The following PKHD1 variants were observed in gnomAD, a reference collection of about 807,000 sequenced individuals.
PKHD1 encodes the protein PKHD1 ciliary IPT domain containing fibrocystin/polyductin, also known as fibrocystin.
PKHD1 carries 291 observed loss-of-function variants against 412.0 expected under a neutral mutation model. The observed-to-expected ratio is 0.71, with a 90% CI of 0.64 to 0.78. The LOEUF is 0.78. Among genes scored for constraint, PKHD1 ranks in the 30% least tolerant of loss-of-function variants. The pLI, the probability that PKHD1 is intolerant of heterozygous loss-of-function variation, is 0.00. For synonymous variants in PKHD1, 1,777 were observed against 1,821.5 expected, an observed-to-expected ratio of 0.98 and a Z score of 0.62; for missense variants, 4,825 against 4,950.7, an observed-to-expected ratio of 0.97 and a Z score of 0.76.
chr6:51,930,906 A>G (rs1786468216), intron 37 of PKHD1, among the ~76,000 whole-genome samples: 1 of 152,182 alleles, frequency 6.6e-6, no homozygotes. Flanking sequence ...GATGCCTGGG[A>G]ATGTTGTTAC....
chr6:52,005,515 A>C (rs1798935010), intron 35 of PKHD1, among the ~76,000 whole-genome samples: 1 of 152,144 alleles, frequency 6.6e-6, no homozygotes, highest in Non-Finnish European at 1.5e-5. Context: ...TTTCCTCTGC[A>C]TGCTGAATAC....
chr6:51,652,481 G>A (rs998735043), intron 61 of PKHD1, among the ~76,000 whole-genome samples: 1 of 151,938 alleles, frequency 6.6e-6, no homozygotes, highest in East Asian at 1.9e-4. Context: ...TCTTCTCAAA[G>A]CTACTAAGCC....
intron 31 of PKHD1, among the ~76,000 whole-genome samples, 178 bp downstream of exon 31, chr6:52,027,651 A>G (rs1449719850): frequency 6.6e-6 from 1 of 152,102 alleles, no homozygotes; most frequent in Non-Finnish European, 1.5e-5. Context: ...GAGCAAATGA[A>G]TCACCAAGTT....
chr6:52,083,394 C>G, intron 2 of PKHD1, 139 bp from the exon 3 acceptor site: 1 of 707,850 alleles, frequency 1.4e-6, no homozygotes, highest in South Asian at 1.5e-5. Flanking sequence ...CACCACATCC[C>G]CAGAGTTTCT....
intron 60 of PKHD1, among the ~76,000 whole-genome samples, chr6:51,703,244 T>A (rs1582172188): frequency 6.6e-6 from 1 of 152,072 alleles, no homozygotes; most frequent in East Asian, 1.9e-4. Flanking sequence ...TTGAGGATCC[T>A]TTTGTTGCTT....
intron 43 of PKHD1, among the ~76,000 whole-genome samples, chr6:51,901,785 T>C (rs1781347071): frequency 6.6e-6 from 1 of 152,084 alleles, no homozygotes; most frequent in African/African-American, 2.4e-5. Context: ...TAAAACTCCA[T>C]TCTCAAAACA....
chr6:51,840,315 G>A lies in PKHD1; in HGVS notation c.8108-3846C>T, dbSNP rs141424003. 2.5e-3 allele frequency among the ~76,000 whole-genome samples: 378 copies of A among 152,184 alleles called. 1 individual carries two copies. Among genetic ancestry groups the A allele is most frequent in the African/African-American group, 8.5e-3 (354 of 41,514 alleles). On this transcript the variant is annotated intron_variant, in intron 50 of 66. Coordinates refer to ENST00000371117, the MANE Select transcript of PKHD1 (RefSeq NM_138694.4). ...TCATAAAACATGATCCTTTAAAGGC[G>A]TTCACAGAAATAGTATATGAAAATC...
intron 43 of PKHD1, 69 bp downstream of exon 43, chr6:51,903,528 C>T (rs1353211847): frequency 4.2e-6 from 6 of 1,416,638 alleles, no homozygotes; most frequent in Non-Finnish European, 6.0e-6. Flanking sequence ...AAAGGTTGGA[C>T]ACCCCTGATT....
intron 43 of PKHD1, among the ~76,000 whole-genome samples, chr6:51,900,786 A>C (rs144929848): frequency 1.3e-5 from 2 of 151,892 alleles, no homozygotes; most frequent in South Asian, 4.2e-4. Context: ...ACAAAGGGCT[A>C]ATATCCAGAA....
intron 52 of PKHD1, among the ~76,000 whole-genome samples, chr6:51,795,791 G>C (rs1794502911): frequency 6.6e-6 from 1 of 152,106 alleles, no homozygotes; most frequent in South Asian, 2.1e-4. Flanking sequence ...TGTGGTTTTG[G>C]TCTTTAGTTC....
chr6:52,000,267 G>A (rs1798208019), intron 35 of PKHD1, among the ~76,000 whole-genome samples: 1 of 152,098 alleles, frequency 6.6e-6, no homozygotes, highest in African/African-American at 2.4e-5. Context: ...GAACACTTCT[G>A]GTTCTTCAAT....
intron 35 of PKHD1, among the ~76,000 whole-genome samples, chr6:51,976,283 A>G (rs1794430217): frequency 6.6e-6 from 1 of 152,268 alleles, no homozygotes; most frequent in Non-Finnish European, 1.5e-5. Context: ...TGTGATATAT[A>G]CATTCAATGA....
chr6:51,947,170 C>G (rs1057041497), intron 36 of PKHD1, among the ~76,000 whole-genome samples: 7 of 152,214 alleles, frequency 4.6e-5, no homozygotes, highest in African/African-American at 1.7e-4. Flanking sequence ...ATCTCAGGCT[C>G]AATGCTCAGT....
intron 60 of PKHD1, among the ~76,000 whole-genome samples, chr6:51,699,679 C>T (rs190425620): frequency 9.2e-5 from 14 of 152,224 alleles, no homozygotes; most frequent in African/African-American, 2.9e-4. Context: ...TACTTTTGCA[C>T]TCCTACCAGT....
chr6:51,950,220 A>AAAAAAATATATATATATATATATATAT, intron 36 of PKHD1, among the ~76,000 whole-genome samples: 9 of 98,286 alleles, frequency 9.2e-5, no homozygotes, highest in African/African-American at 2.6e-4. Flanking sequence ...GAAAAAAAAA[A>AAAAAAATATATATATATATATATATAT]ATATATATAT....
At chr6:51,682,334 C>T (rs1776800474) in intron 60 of PKHD1, 2 of 422,284 alleles carry the variant, frequency 4.7e-6, no homozygotes, top group African/African-American at 4.1e-5. Context: ...TTTCTAATAC[C>T]TGAGCATCAG....
chr6:51,870,735 G>T, intron 46 of PKHD1, 96 bp from the exon 47 acceptor site: 1 of 970,898 alleles, frequency 1.0e-6, no homozygotes, highest in Non-Finnish European at 1.6e-6. Flanking sequence ...AGATAAAAAA[G>T]CGAGCTATTG....
At chr6:51,737,709 A>ATTGT (rs1255338987) in intron 60 of PKHD1, among the ~76,000 whole-genome samples, 4 of 145,044 alleles carry the variant, frequency 2.8e-5, no homozygotes, top group African/African-American at 5.4e-5. Context: ...AGAATCACTT[A>ATTGT]TTGTTTGTGT....
chr6:51,688,540 C>G (rs1167325170), intron 60 of PKHD1, among the ~76,000 whole-genome samples: 1 of 151,620 alleles, frequency 6.6e-6, no homozygotes, highest in Non-Finnish European at 1.5e-5. Context: ...ATCAACACAT[C>G]CAGGAGCTAT....
Sources: allele counts gnomAD v4.1 joint callset (sites outside exome capture counted in the v4.1 genomes callset), GRCh38; gene constraint gnomAD v4.1.1; transcripts MANE v1.5; gene names NCBI Gene and HGNC (gene_info 2026-07-23, HGNC 2026-07-21).